The following NINJ2 variants were observed in gnomAD, a reference collection of about 807,000 sequenced individuals.
NINJ2 encodes the protein ninjurin 2.
A neutral mutation model predicts 11.7 loss-of-function variants in NINJ2; 12 were observed. That is an observed-to-expected ratio of 1.02 (90% confidence interval 0.66 to 1.66). The LOEUF is 1.66. Ranked by LOEUF, NINJ2 falls within the 40% of genes most tolerant of loss-of-function variation. The pLI, the probability that NINJ2 is intolerant of heterozygous loss-of-function variation, is 0.00. For synonymous variants in NINJ2, 93 were observed against 76.8 expected (o/e 1.21, Z -1.10); for missense variants, 187 against 181.8 (o/e 1.03, Z -0.16).
intron 1 of NINJ2, among the ~76,000 whole-genome samples, chr12:604,226 C>G (rs922132126): frequency 2.0e-5 from 3 of 152,154 alleles, no homozygotes; most frequent in African/African-American, 7.2e-5. Context: ...TGGGGAGTAT[C>G]GCTATCTTAA....
At position 565,265 on chromosome 12, in the gene NINJ2, C is replaced by T. The variant is rs1162890261; in HGVS notation, c.399G>A (p.Leu133=). 4 of 1,613,976 alleles carry T rather than the reference C, an allele frequency of 2.5e-6. No homozygotes were observed. Among genetic ancestry groups the T allele is most frequent in the Non-Finnish European group, 3.4e-6 (4 of 1,179,970 alleles). Reference sequence around the variant, plus strand: ...GAGGATTCCTTGAGGCCCTGGCAGCCAGGAACCCTGTTTTATGTGCCCCGA... The same window carrying T: ...GAGGATTCCTTGAGGCCCTGGCAGCTAGGAACCCTGTTTTATGTGCCCCGA... ...TAFGAHKTGF[L]AARASRNPL is the part of the protein sequence containing the mutation. Residue 133 remains leucine, a synonymous_variant, in exon 3 of 4, where the codon CTG becomes CTA. Coordinates refer to ENST00000305108, the MANE Select transcript of NINJ2 (RefSeq NM_016533.6).
At chr12:624,029 C>T (rs1436860212) in intron 1 of NINJ2, among the ~76,000 whole-genome samples, 1 of 152,174 alleles carries the variant, frequency 6.6e-6, no homozygotes, top group Non-Finnish European at 1.5e-5. Context: ...GAGCGAGACT[C>T]TGTCTCAAAA....
At chr12:605,812 T>C (rs1225426597) in intron 1 of NINJ2, among the ~76,000 whole-genome samples, 1 of 152,208 alleles carries the variant, frequency 6.6e-6, no homozygotes, top group African/African-American at 2.4e-5. Flanking sequence ...AAGGTCCACT[T>C]TGTCCTTCAC....
At chr12:654,601 A>C (rs938302307) in intron 1 of NINJ2, among the ~76,000 whole-genome samples, 1 of 151,456 alleles carries the variant, frequency 6.6e-6, no homozygotes, top group African/African-American at 2.4e-5. Flanking sequence ...CAACATTTGA[A>C]AATCAATTAA....
At chr12:615,639 A>C (rs1948083515) in intron 1 of NINJ2, among the ~76,000 whole-genome samples, 1 of 152,194 alleles carries the variant, frequency 6.6e-6, no homozygotes, top group Non-Finnish European at 1.5e-5. Flanking sequence ...CCACTGCCAC[A>C]GCCCTTGGGA....
chr12:622,267 G>A (rs1214254222), intron 1 of NINJ2, among the ~76,000 whole-genome samples: 3 of 151,226 alleles, frequency 2.0e-5, no homozygotes, highest in South Asian at 2.1e-4. Context: ...AAAATTAGCC[G>A]GGTGCGGTGG....
chr12:593,348 A>G (rs1198900048), intron 1 of NINJ2, among the ~76,000 whole-genome samples: 1 of 152,208 alleles, frequency 6.6e-6, no homozygotes, highest in Non-Finnish European at 1.5e-5. Flanking sequence ...CGATTGTTAA[A>G]GAAGCATCAC....
chr12:604,617 G>A (rs544938648), intron 1 of NINJ2, among the ~76,000 whole-genome samples: 69 of 152,216 alleles, frequency 4.5e-4, no homozygotes, highest in South Asian at 1.0e-3. Flanking sequence ...CAGCCTGGGC[G>A]ACAGAGCGAG....
intron 1 of NINJ2, among the ~76,000 whole-genome samples, chr12:570,692 G>A (rs1467336774): frequency 6.6e-6 from 1 of 152,018 alleles, no homozygotes. Context: ...CCCTGGCCCT[G>A]GCCTCTGCGC....
chr12:639,205 A>C (rs562645576), intron 1 of NINJ2, among the ~76,000 whole-genome samples: 1 of 152,310 alleles, frequency 6.6e-6, no homozygotes, highest in African/African-American at 2.4e-5. Context: ...CCTTTCAAAA[A>C]GAACTGTAGT....
chr12:588,778 C>A (rs1197670209), intron 1 of NINJ2, among the ~76,000 whole-genome samples: 1 of 152,148 alleles, frequency 6.6e-6, no homozygotes, highest in Non-Finnish European at 1.5e-5. Context: ...TGAGTACAAA[C>A]AAGCAAGCCC....
intron 1 of NINJ2, chr12:586,343 G>T (rs1947638483): frequency 6.6e-6 from 1 of 152,174 alleles, no homozygotes. Flanking sequence ...TTCCATCCCG[G>T]GTCAAGTTCG....
chr12:649,531 G>GTGTATATATATATATA (rs139452771), intron 1 of NINJ2, among the ~76,000 whole-genome samples: 17 of 127,694 alleles, frequency 1.3e-4, no homozygotes, highest in South Asian at 2.7e-4. Context: ...GTGTATATGT[G>GTGTATATATATATATA]TATATATATA....
chr12:605,272 A>C (rs1352935298), intron 1 of NINJ2, among the ~76,000 whole-genome samples: 2 of 152,328 alleles, frequency 1.3e-5, no homozygotes, highest in East Asian at 3.9e-4. Context: ...GCAACTGCTG[A>C]AAATCTGCAT....
At chr12:622,303 A>G (rs1948161921) in intron 1 of NINJ2, among the ~76,000 whole-genome samples, 1 of 146,862 alleles carries the variant, frequency 6.8e-6, no homozygotes, top group South Asian at 2.3e-4. Flanking sequence ...CCAGCTACTC[A>G]GGAGGCTGAA....
intron 1 of NINJ2, among the ~76,000 whole-genome samples, chr12:629,382 G>T (rs563476562): frequency 1.3e-4 from 20 of 152,270 alleles, no homozygotes; most frequent in African/African-American, 4.6e-4. Context: ...TGGCCACTGC[G>T]ATGCCACCTG....
chr12:651,481 CCCTCA>C (rs1045968994), intron 1 of NINJ2, among the ~76,000 whole-genome samples: 6 of 152,178 alleles, frequency 3.9e-5, no homozygotes, highest in Non-Finnish European at 7.3e-5. Flanking sequence ...ACTTCCCCTC[CCCTCA>C]CATTTTACCA....
rs1409767563 is a variant in NINJ2, at chr12:585,620, G to A, written c.34-19442C>T. ...GTGTTGCACCCTGGCCTGCTCTGCG[G>A]ATGAGTCAGCAGCATCGATTAAGCA... is the stretch of plus-strand genomic sequence containing the variant. On this transcript the variant is annotated intron_variant, in intron 1 of 3. Coordinates refer to ENST00000305108, the MANE Select transcript of NINJ2 (RefSeq NM_016533.6). The surrounding 1 kb of genome is among the most constrained non-coding windows in gnomAD (Gnocchi z 4.1). 6.6e-6 allele frequency among the ~76,000 whole-genome samples: 1 copy of A among 152,240 alleles called. No individual in the cohort carries two copies. Among genetic ancestry groups the A allele is most frequent in the Non-Finnish European group, 1.5e-5 (1 of 68,028 alleles).
intron 1 of NINJ2, among the ~76,000 whole-genome samples, chr12:659,251 T>C (rs1937924700): frequency 6.6e-6 from 1 of 152,004 alleles, no homozygotes. Context: ...TGCATTCGGT[T>C]TGGACAAGTC....
Sources: allele counts gnomAD v4.1 joint callset (sites outside exome capture counted in the v4.1 genomes callset), GRCh38; gene constraint gnomAD v4.1.1; non-coding constraint Gnocchi (gnomAD v3.1); transcripts MANE v1.5; gene names NCBI Gene and HGNC (gene_info 2026-07-23, HGNC 2026-07-21).